SLC35B1: variants seen among roughly 807,000 people sequenced by gnomAD.
The protein encoded by SLC35B1 is solute carrier family 35 member B1.
SLC35B1 carries 27 observed loss-of-function variants against 36.6 expected under a neutral mutation model. The ratio of observed to expected loss-of-function variants is 0.74; its 90% CI spans 0.54 to 1.02. SLC35B1 has a LOEUF of 1.02. SLC35B1 is among the 50% of genes least tolerant of loss of function. The pLI is 0.00. For missense variants in SLC35B1, 321 were observed against 383.2 expected, an observed-to-expected ratio of 0.84 and a Z score of 1.35; for synonymous variants, 162 against 152.5, an observed-to-expected ratio of 1.06 and a Z score of -0.46.
Position 49,706,478 on chromosome 17 carries a change from C to G in SLC35B1, c.209-144G>C, listed in dbSNP as rs553510711. 4.5e-5 allele frequency: 34 copies of G among 748,110 alleles called. 1 individual carries two copies. In the South Asian group the frequency reaches 7.4e-4, roughly 16 times the overall value. 46.3% of individuals were successfully genotyped at this position (748,110 alleles called of 1,614,324 possible). Reference sequence around the variant, plus strand: ...ACTTGTCTGTCAAACAAGACACAAGCTATTTCTGTCCTGTTACACTGGGAA... The same window carrying G: ...ACTTGTCTGTCAAACAAGACACAAGGTATTTCTGTCCTGTTACACTGGGAA... On this transcript the variant is annotated intron_variant, in intron 2 of 8. Transcript: ENST00000240333.
At chr17:49,702,502 C>T (rs930594980) in intron 8 of SLC35B1, 10 of 180,984 alleles carry the variant, frequency 5.5e-5, no homozygotes, top group Non-Finnish European at 8.3e-5. Context: ...GAGGCTGAGG[C>T]GGGGGGAATC....
chr17:49,701,338 A>G lies in SLC35B1; in HGVS notation c.*120T>C, dbSNP rs148463432. 6.5e-6 allele frequency: 5 copies of G among 767,510 alleles called. No homozygotes were observed. In the African/African-American group the frequency reaches 7.0e-5, roughly 11 times the overall value. 47.5% of individuals were successfully genotyped at this position (767,510 alleles called of 1,614,324 possible). A position where few individuals can be genotyped will look rare whatever the true frequency, so the allele number is the denominator to read the frequency against. On this transcript the variant is annotated 3_prime_UTR_variant, in exon 9 of 9. Coordinates refer to ENST00000240333, the MANE Select transcript of SLC35B1 (RefSeq NM_005827.4). ...AGAATATGTGATTTTGCTTGATTTT[A>G]TTTTATTAAAAAAGACTGGAACTCA...
intron 7 of SLC35B1, 53 bp downstream of exon 7, chr17:49,703,135 G>T: frequency 6.3e-7 from 1 of 1,587,872 alleles, no homozygotes; most frequent in South Asian, 1.1e-5. Context: ...GTCTTTCTTA[G>T]GGAACCAGCT....
rs755820679 is a variant in SLC35B1 at position 49,707,911 on chromosome 17, G to A, written c.-78C>T. 3 of 1,581,214 alleles carry A rather than the reference G, an allele frequency of 1.9e-6. No homozygotes were observed. Among genetic ancestry groups the A allele is most frequent in the South Asian group, 1.1e-5 (1 of 87,928 alleles). ...AGCGGCGGCGGAGGCGACAGCTCCA[G>A]CCGGACATCGCCGACCGGCGGCAGG... On this transcript the variant is annotated 5_prime_UTR_variant, in exon 1 of 9. Coordinates refer to ENST00000240333, the MANE Select transcript of SLC35B1 (RefSeq NM_005827.4).
chr17:49,707,798 C>A lies in SLC35B1; in HGVS notation c.36G>T (p.Leu12=). 1 of 1,611,876 alleles carries A rather than the reference C, an allele frequency of 6.2e-7. No individual in the cohort carries two copies. Among genetic ancestry groups the A allele is most frequent in the Non-Finnish European group, 8.5e-7 (1 of 1,179,800 alleles). The change falls in exon 1 of 9, where the codon CTG becomes CTT. Residue 12 remains leucine, a synonymous_variant. Transcript: ENST00000240333. The part of the protein sequence containing the change: ...ASSSSLVPDR[L]RLPLCFLGVF... The stretch of plus-strand genomic sequence containing the variant: ...CACCCAGGAAGCAGAGCGGCAGGCG[C>A]AGCCGGTCGGGCACCAGGGAGCTGC...
At chr17:49,705,993 G>T in intron 3 of SLC35B1, 97 bp from the exon 4 acceptor site, 1 of 1,362,708 alleles carries the variant, frequency 7.3e-7, no homozygotes, top group Non-Finnish European at 1.0e-6. Flanking sequence ...CACAGGGCCT[G>T]CACCAGAGAC....
In SLC35B1 at chr17:49,703,245, C is replaced by A; in HGVS notation, c.705G>T (p.Arg235Ser). The change falls in exon 7 of 9, where the codon AGG becomes AGT. Residue 235 changes from arginine to serine, a missense_variant. By Grantham distance (110) the Arg-to-Ser change is moderately radical. Coordinates refer to ENST00000240333, the MANE Select transcript of SLC35B1 (RefSeq NM_005827.4). ...GGATGTTATAGATGATGGCAGGGTA[C>A]CTTTCAGCAAAGCTCAAGAACTCCC... is the stretch of plus-strand genomic sequence containing the variant. ...ELWEFLSFAE[R>S]YPAIIYNILL... 6.2e-7 allele frequency: 1 copy of A among 1,613,974 alleles called. No homozygotes were observed. Among genetic ancestry groups the A allele is most frequent in the Non-Finnish European group, 8.5e-7 (1 of 1,179,966 alleles).
At chr17:49,706,870 G>C in intron 2 of SLC35B1, 95 bp downstream of exon 2, 2 of 866,864 alleles carry the variant, frequency 2.3e-6, no homozygotes, top group Non-Finnish European at 3.9e-6. Flanking sequence ...GAGATCATGA[G>C]TTAGCCTTTA....
intron 1 of SLC35B1, 85 bp from the exon 2 acceptor site, chr17:49,707,153 T>A: frequency 7.1e-7 from 1 of 1,411,628 alleles, no homozygotes; most frequent in East Asian, 2.3e-5. Flanking sequence ...CACTGAAAAC[T>A]TTAAAATTAT....
intron 6 of SLC35B1, 56 bp from the exon 7 acceptor site, chr17:49,703,350 A>G (rs2304919): frequency 0.11 from 1,047 of 9,430 alleles, 7 homozygotes; most frequent in East Asian, 0.26. Flanking sequence ...AAATGTGCGC[A>G]CACACACACA....
intron 1 of SLC35B1, chr17:49,707,419 G>A (rs2073433151): frequency 6.9e-7 from 1 of 1,444,990 alleles, no homozygotes; most frequent in Non-Finnish European, 9.2e-7. Context: ...GCATCTGGGA[G>A]TACCAAAAGG....
In SLC35B1 at chr17:49,707,722, T is replaced by A; in HGVS notation, c.104+8A>T. 8.1e-6 allele frequency: 13 copies of A among 1,609,042 alleles called. No homozygotes were observed. Among genetic ancestry groups the A allele is most frequent in the Non-Finnish European group, 1.1e-5 (13 of 1,178,602 alleles). The stretch of plus-strand genomic sequence containing the variant: ...AGAGACTGTCGGCCCGCCCCCGGGG[T>A]CGCTCACATCTTTTCCTGCAGGATC... On this transcript the variant is annotated splice_region_variant and intron_variant, in intron 1 of 8. Transcript: ENST00000240333.
At chr17:49,705,962 G>T in intron 3 of SLC35B1, 66 bp from the exon 4 acceptor site, 1 of 1,503,140 alleles carries the variant, frequency 6.7e-7, no homozygotes. Flanking sequence ...GCTAGGTACC[G>T]CACTGATTAA....
intron 3 of SLC35B1, 99 bp downstream of exon 3, chr17:49,706,105 T>TTC (rs2073412806): frequency 1.3e-6 from 1 of 764,948 alleles, no homozygotes. Flanking sequence ...CCGTTATCTT[T>TTC]TTTTTTTTTT....
rs187118659 is a variant in SLC35B1, at chr17:49,706,787, A to C, written c.208+178T>G. Among the ~76,000 whole-genome samples, 5 of 152,354 alleles carry C rather than the reference A, an allele frequency of 3.3e-5. No individual in the cohort carries two copies. In the East Asian group the frequency reaches 5.8e-4, roughly 18 times the overall value. ...GAAGCTGATAAAAATTGGGGAAATA[A>C]TATTTTACTCCACTTCAAAGTCATT... On this transcript the variant is annotated intron_variant, in intron 2 of 8. Transcript: ENST00000240333.
chr17:49,706,093 G>A (rs2073412227), intron 3 of SLC35B1, 111 bp downstream of exon 3: 9 of 1,353,310 alleles, frequency 6.7e-6, no homozygotes, highest in East Asian at 2.3e-5. Flanking sequence ...TGTCTTACAG[G>A]ACCGTTATCT....
chr17:49,707,181 A>G lies in SLC35B1; in HGVS notation c.105-113T>C, dbSNP rs1355893327. 5 of 1,327,890 alleles carry G rather than the reference A, an allele frequency of 3.8e-6. No individual in the cohort carries two copies. In the East Asian group the frequency reaches 1.2e-4, roughly 33 times the overall value. The allele number at this position is 1,327,890 out of a possible 1,614,324, so 82.3% of individuals were successfully genotyped here. A position where few individuals can be genotyped will look rare whatever the true frequency, so the allele number is the denominator to read the frequency against. On this transcript the variant is annotated intron_variant, in intron 1 of 8. Transcript: ENST00000240333. The stretch of plus-strand genomic sequence containing the variant: ...AAAATTATCTTGCCTCTCTGGATGT[A>G]GGCAGAGTTTGTTAAGGACCACTAG...
intron 3 of SLC35B1, 153 bp from the exon 4 acceptor site, chr17:49,706,049 T>C: frequency 1.6e-6 from 2 of 1,281,058 alleles, no homozygotes; most frequent in African/African-American, 3.0e-5. Context: ...CCACCACCAC[T>C]AAACGTAAGT....
At chr17:49,703,625 G>A (rs2073379703) in intron 6 of SLC35B1, 4 of 349,674 alleles carry the variant, frequency 1.1e-5, no homozygotes, top group South Asian at 7.7e-5. Context: ...GAAGCCCCTC[G>A]CATTAGTCAC....
Sources: allele counts gnomAD v4.1 joint callset (sites outside exome capture counted in the v4.1 genomes callset), GRCh38; gene constraint gnomAD v4.1.1; transcripts MANE v1.5; gene names NCBI Gene and HGNC (gene_info 2026-07-23, HGNC 2026-07-21).